Variants in SLC35F4 observed in about 807,000 individuals in gnomAD.
The protein encoded by SLC35F4 is chromosome 14 open reading frame 36.
Under a neutral mutation model 44.2 loss-of-function variants are expected in SLC35F4, and 24 were observed. That is an observed-to-expected ratio of 0.54 (90% CI 0.39 to 0.76). The LOEUF is 0.76. SLC35F4 is among the 30% of genes least tolerant of loss of function. The pLI, the probability that SLC35F4 is intolerant of heterozygous loss-of-function variation, is 0.00. For synonymous variants in SLC35F4, 238 were observed against 223.6 expected (o/e 1.06, Z -0.57); for missense variants, 562 against 586.1 (o/e 0.96, Z 0.42).
At chr14:57,850,713 G>A (rs747642240) in intron 1 of SLC35F4, among the ~76,000 whole-genome samples, 39 of 152,328 alleles carry the variant, frequency 2.6e-4, no homozygotes, top group South Asian at 4.1e-4. Context: ...TAAGGATCCA[G>A]AGTGACGATG....
intron 1 of SLC35F4, among the ~76,000 whole-genome samples, chr14:57,981,019 A>C (rs1229649542): frequency 6.6e-6 from 1 of 152,166 alleles, no homozygotes; most frequent in Non-Finnish European, 1.5e-5. Flanking sequence ...GGCTGTATGC[A>C]TCAATGGAGA....
At chr14:57,654,484 C>G (rs1227576232) in intron 1 of SLC35F4, among the ~76,000 whole-genome samples, 1 of 152,118 alleles carries the variant, frequency 6.6e-6, no homozygotes, top group Non-Finnish European at 1.5e-5. Flanking sequence ...TCTTTATCCA[C>G]TCGTTGGTTG....
chr14:57,833,233 G>A (rs958719040), intron 1 of SLC35F4, among the ~76,000 whole-genome samples: 3 of 152,102 alleles, frequency 2.0e-5, no homozygotes, highest in African/African-American at 4.8e-5. Context: ...ATTCTTTCAC[G>A]GTCCCTAATG....
At chr14:57,852,298 T>A (rs770767019) in intron 1 of SLC35F4, among the ~76,000 whole-genome samples, 4 of 152,150 alleles carry the variant, frequency 2.6e-5, no homozygotes, top group Non-Finnish European at 5.9e-5. Flanking sequence ...GGGGAGAGCT[T>A]GTTCATCATC....
intron 1 of SLC35F4, among the ~76,000 whole-genome samples, chr14:57,735,444 T>C (rs1399300130): frequency 1.3e-5 from 2 of 152,196 alleles, no homozygotes; most frequent in East Asian, 1.9e-4. Context: ...AGCTAGAGAG[T>C]TGGCAGGGCC....
upstream of SLC35F4, among the ~76,000 whole-genome samples, chr14:57,867,915 A>G (rs1415438282): frequency 6.6e-6 from 1 of 152,190 alleles, no homozygotes; most frequent in Non-Finnish European, 1.5e-5. Context: ...ATACACACAC[A>G]CATATGCAGA....
chr14:57,817,581 A>G (rs143794355), intron 1 of SLC35F4, among the ~76,000 whole-genome samples: 11 of 152,238 alleles, frequency 7.2e-5, no homozygotes, highest in Admixed American at 3.9e-4. Context: ...GCAGGATTCT[A>G]ATGTGTGCTG....
At chr14:57,784,962 C>A (rs1322418785) in intron 1 of SLC35F4, among the ~76,000 whole-genome samples, 1 of 152,118 alleles carries the variant, frequency 6.6e-6, no homozygotes, top group African/African-American at 2.4e-5. Context: ...AACATTTTTT[C>A]TCTACCTTAT....
chr14:57,932,897 G>A (rs1325558853), intron 1 of SLC35F4, among the ~76,000 whole-genome samples: 1 of 152,016 alleles, frequency 6.6e-6, no homozygotes, highest in Admixed American at 6.6e-5. Context: ...GAGAAGCTTT[G>A]CTCTTCTGAT....
intron 1 of SLC35F4, among the ~76,000 whole-genome samples, chr14:57,852,071 C>T (rs906964358): frequency 2.0e-5 from 3 of 152,178 alleles, no homozygotes; most frequent in Non-Finnish European, 4.4e-5. Context: ...TCCATCCCTA[C>T]CTACTCTTAG....
In SLC35F4 at chr14:57,770,662, G is replaced by T. The variant is rs1407503356; in HGVS notation, c.103+95061C>A. Among the ~76,000 whole-genome samples the T allele has an allele frequency of 2.0e-5, 3 of 152,114 alleles. No homozygotes were observed. In the South Asian group the frequency reaches 6.2e-4, roughly 32 times the overall value. On this transcript the variant is annotated intron_variant, in intron 1 of 7. Coordinates refer to ENST00000556826, the MANE Select transcript of SLC35F4 (RefSeq NM_001306087.2). ...GAAGGAGGGTTTTTCCAGTGCAGGG[G>T]TGGGCAACTGGGATTTGCATATTTG... is the stretch of plus-strand genomic sequence containing the variant.
intron 1 of SLC35F4, among the ~76,000 whole-genome samples, chr14:57,675,111 C>T (rs1431895495): frequency 1.3e-5 from 2 of 152,044 alleles, no homozygotes; most frequent in African/African-American, 2.4e-5. Flanking sequence ...ACAACCAGAA[C>T]AGTGCTTTCC....
At position 57,564,146 on chromosome 14, in the gene SLC35F4, G is replaced by T. The variant is rs756636303; in HGVS notation, c.1447C>A (p.Pro483Thr). 1 of 1,613,648 alleles carries T rather than the reference G, an allele frequency of 6.2e-7. No individual in the cohort carries two copies. The highest frequency in any genetic ancestry group is 1.1e-5 in the South Asian group (1 of 91,042). Residue 483 changes from proline to threonine, a missense_variant, in exon 8 of 8, where the codon CCA becomes ACA. Transcript: ENST00000556826. ...AAATATGTCCCTCTCTAAGCCAGTGGTATAGACACTGTCCCATTGGCTCTG... is the reference window on the plus strand; with the variant it reads ...AAATATGTCCCTCTCTAAGCCAGTGTTATAGACACTGTCCCATTGGCTCTG... Reference protein sequence around the residue: ...RGRANGTVSIPLA With the variant: ...RGRANGTVSITLA
rs539668228 is a variant in SLC35F4, at chr14:57,949,714, A to G, written n.282+32199T>C. ...TTCTTTTAGCATTTCTTGTAGTGCTAGTTCTCTAGTGGTGAATTCTCTTAG... is the reference window on the plus strand; with the variant it reads ...TTCTTTTAGCATTTCTTGTAGTGCTGGTTCTCTAGTGGTGAATTCTCTTAG... On this transcript the variant is annotated intron_variant and non_coding_transcript_variant, in intron 1 of 1. Coordinates refer to the SLC35F4 transcript ENST00000556568. Among the ~76,000 whole-genome samples the G allele has an allele frequency of 3.4e-4, 52 of 152,240 alleles. 1 individual carries two copies. Among genetic ancestry groups the G allele is most frequent in the African/African-American group, 1.2e-3 (51 of 41,568 alleles).
chr14:57,702,641 A>C (rs1051065362), intron 1 of SLC35F4, among the ~76,000 whole-genome samples: 2 of 152,150 alleles, frequency 1.3e-5, no homozygotes, highest in African/African-American at 4.8e-5. Context: ...CTCCACCTCT[A>C]ATTTAAACAT....
intron 1 of SLC35F4, among the ~76,000 whole-genome samples, chr14:57,692,058 G>A (rs936365217): frequency 6.6e-6 from 1 of 152,268 alleles, no homozygotes; most frequent in Non-Finnish European, 1.5e-5. Flanking sequence ...ACTAGATTGT[G>A]ATGAGATCAT....
Position 57,578,325 on chromosome 14 carries a change from G to GTTTTT in SLC35F4, c.807+2884_807+2888dup, listed in dbSNP as rs199785589. On this transcript the variant is annotated intron_variant, in intron 4 of 7. Coordinates refer to ENST00000556826, the MANE Select transcript of SLC35F4 (RefSeq NM_001306087.2). ...GATGACTGAAAGCATCCCTTTAACT[G>GTTTTT]TTTTTTTTTTTTTTTTTTTTTTTTT... Among the ~76,000 whole-genome samples, 42 of 43,164 alleles carry GTTTTT rather than the reference G, an allele frequency of 9.7e-4. 14 individuals are homozygous for GTTTTT. The highest frequency in any genetic ancestry group is 1.5e-3 in the Non-Finnish European group (32 of 21,762). The allele number at this position is 43,164 out of a possible 152,430, so 28.3% of individuals were successfully genotyped here.
intron 1 of SLC35F4, among the ~76,000 whole-genome samples, chr14:57,899,355 T>C (rs2141044080): frequency 6.6e-6 from 1 of 152,262 alleles, no homozygotes; most frequent in Non-Finnish European, 1.5e-5. Flanking sequence ...AGGTCTAATC[T>C]GAGTGTTAAA....
chr14:57,913,304 T>A (rs970454945), intron 1 of SLC35F4, among the ~76,000 whole-genome samples: 25 of 152,108 alleles, frequency 1.6e-4, no homozygotes, highest in Admixed American at 2.6e-4. Context: ...TCTACCATAT[T>A]TGTTACTGTT....
Sources: allele counts gnomAD v4.1 joint callset (sites outside exome capture counted in the v4.1 genomes callset), GRCh38; gene constraint gnomAD v4.1.1; transcripts MANE v1.5; gene names NCBI Gene and HGNC (gene_info 2026-07-23, HGNC 2026-07-21).